Variants in PTPN20 observed in about 807,000 individuals in gnomAD.
The protein encoded by PTPN20 is tyrosine-protein phosphatase non-receptor type 20.
In PTPN20, 9 loss-of-function variants were observed where a neutral mutation model predicts 35.0. The ratio of observed to expected loss-of-function variants is 0.26; its 90% confidence interval spans 0.15 to 0.45. The LOEUF (loss-of-function observed/expected upper bound fraction) is 0.45, where lower values mean the gene tolerates loss of function less well. PTPN20 is among the 20% of genes least tolerant of loss of function. The pLI, the probability that PTPN20 is intolerant of heterozygous loss-of-function variation, is 1.00. For synonymous variants in PTPN20, 32 were observed against 100.2 expected (o/e 0.32, Z 4.06); for missense variants, 111 against 312.5 (o/e 0.36, Z 4.86).
rs1343397493 is a variant in PTPN20 at position 46,954,992 on chromosome 10, T to G, written c.340+8317T>G. 10 of 151,514 alleles carry G rather than the reference T, an allele frequency of 6.6e-5. 2 individuals carry two copies. Among genetic ancestry groups the G allele is most frequent in the African/African-American group, 2.5e-4 (10 of 40,808 alleles). 9.4% of individuals were successfully genotyped at this position (151,514 alleles called of 1,614,324 possible). A position where few individuals can be genotyped will look rare whatever the true frequency, so the allele number is the denominator to read the frequency against. Reference sequence around the variant, plus strand: ...AATATAACAACTATTTACATGGCATTTATGTTGTATTAGGTATTATAAGTA... The same window carrying G: ...AATATAACAACTATTTACATGGCATGTATGTTGTATTAGGTATTATAAGTA... On this transcript the variant is annotated intron_variant, in intron 5 of 10. Coordinates refer to ENST00000374339, the MANE Select transcript of PTPN20 (RefSeq NM_001042357.5).
chr10:46,915,836 T>TA lies in PTPN20; in HGVS notation c.-124+4352dup, dbSNP rs781898329. The stretch of plus-strand genomic sequence containing the variant: ...CGTGGCAACAGAGCAAGACTCCGTC[T>TA]AAAAAAAAAAAAAAAAATGACCAGT... On this transcript the variant is annotated intron_variant, in intron 1 of 10. Coordinates refer to ENST00000374339, the MANE Select transcript of PTPN20 (RefSeq NM_001042357.5). 1.1e-3 allele frequency among the ~76,000 whole-genome samples: 71 copies of TA among 67,318 alleles called. 12 individuals are homozygous for TA. The highest frequency in any genetic ancestry group is 3.2e-3 in the East Asian group (7 of 2,216). 44.2% of individuals were successfully genotyped at this position (67,318 alleles called of 152,430 possible).
intron 1 of PTPN20, among the ~76,000 whole-genome samples, chr10:46,923,075 A>G (rs1446931468): frequency 0.029 from 3,735 of 130,298 alleles, 69 homozygotes; most frequent in African/African-American, 0.072. Context: ...GGGTGAATGT[A>G]TTTTGCATAC....
intron 9 of PTPN20, among the ~76,000 whole-genome samples, chr10:46,996,521 T>C (rs915327306): frequency 2.6e-5 from 4 of 152,228 alleles, no homozygotes; most frequent in Admixed American, 2.0e-4. Context: ...GTTTTTCCTT[T>C]TATGGATCAT....
intron 9 of PTPN20, among the ~76,000 whole-genome samples, chr10:46,988,878 A>T (rs1450075818): frequency 5.3e-5 from 8 of 150,262 alleles, no homozygotes; most frequent in African/African-American, 9.7e-5. Flanking sequence ...TGTAAATAAG[A>T]TCACCTTCTT....
chr10:46,964,565 G>A (rs1194630843), intron 5 of PTPN20, among the ~76,000 whole-genome samples: 1 of 149,116 alleles, frequency 6.7e-6, no homozygotes, highest in African/African-American at 2.4e-5. Flanking sequence ...GAAACAGGAC[G>A]TGAACTCTCC....
At chr10:46,994,189 T>A (rs1444228348) in intron 9 of PTPN20, among the ~76,000 whole-genome samples, 1 of 151,944 alleles carries the variant, frequency 6.6e-6, no homozygotes, top group Non-Finnish European at 1.5e-5. Context: ...GGAGCTCTTT[T>A]ATATGTTAAT....
At chr10:46,999,757 C>T (rs1423695486) in intron 9 of PTPN20, among the ~76,000 whole-genome samples, 155 bp from the exon 10 acceptor site, 3 of 152,152 alleles carry the variant, frequency 2.0e-5, no homozygotes, top group Non-Finnish European at 4.4e-5. Context: ...TCTTCCTTAT[C>T]CATTGGGCTA....
intron 5 of PTPN20, chr10:46,948,096 A>G (rs1203165233): frequency 5.5e-6 from 2 of 363,828 alleles, no homozygotes; most frequent in East Asian, 1.5e-4. Context: ...TCAGTTAGGT[A>G]ATTTCTGTCA....
At chr10:46,939,032 G>T (rs1230510979) in intron 2 of PTPN20, among the ~76,000 whole-genome samples, 2 of 152,116 alleles carry the variant, frequency 1.3e-5, no homozygotes, top group African/African-American at 4.8e-5. Context: ...AATTCTCATA[G>T]ACTTTTTTTT....
rs886254719 is a variant in PTPN20 at position 46,996,294 on chromosome 10, C to T, written c.1135-3618C>T. ...TGTCTTCATTTCATTGCAGTCACTT[C>T]CATCTTCATTATTTGGTTAACCACT... is the stretch of plus-strand genomic sequence containing the variant. On this transcript the variant is annotated intron_variant, in intron 9 of 10. Coordinates refer to ENST00000374339, the MANE Select transcript of PTPN20 (RefSeq NM_001042357.5). Among the ~76,000 whole-genome samples the T allele has an allele frequency of 3.9e-5, 6 of 152,154 alleles. No homozygotes were observed. The South Asian group carries it at 6.2e-4, about 16-fold the overall frequency.
chr10:46,937,943 T>C (rs2042224558), intron 2 of PTPN20, among the ~76,000 whole-genome samples: 1 of 114,838 alleles, frequency 8.7e-6, no homozygotes, highest in African/African-American at 4.4e-5. Flanking sequence ...TTTTTTCTTT[T>C]TCTTTTCTTT....
rs566983898 is a variant in PTPN20, at chr10:46,937,356, A to G, written c.35-3267A>G. Among the ~76,000 whole-genome samples, 17 of 151,774 alleles carry G rather than the reference A, an allele frequency of 1.1e-4. No homozygotes were observed. The South Asian group carries it at 2.1e-3, about 19-fold the overall frequency. On this transcript the variant is annotated intron_variant, in intron 2 of 10. Coordinates refer to ENST00000374339, the MANE Select transcript of PTPN20 (RefSeq NM_001042357.5). ...TGACATACATGAATGTGATTTTTCTATAAGCTCATATATTACATTTGTATT... is the reference window on the plus strand; with the variant it reads ...TGACATACATGAATGTGATTTTTCTGTAAGCTCATATATTACATTTGTATT...
At chr10:46,986,278 A>T (rs1414361590) in intron 8 of PTPN20, among the ~76,000 whole-genome samples, 1 of 139,638 alleles carries the variant, frequency 7.2e-6, no homozygotes, top group Non-Finnish European at 1.5e-5. Context: ...ACCTTCACAG[A>T]GGCACAAAAT....
intron 2 of PTPN20, among the ~76,000 whole-genome samples, chr10:46,938,501 G>A (rs1371848194): frequency 7.2e-5 from 1 of 13,830 alleles, no homozygotes; most frequent in African/African-American, 4.8e-4. Flanking sequence ...GCTACTTTCC[G>A]GTGGTCCTTC....
At chr10:46,927,326 AAAAC>A in intron 1 of PTPN20, among the ~76,000 whole-genome samples, 1 of 123,566 alleles carries the variant, frequency 8.1e-6, no homozygotes, top group Non-Finnish European at 1.7e-5. Flanking sequence ...ATAAAAATAA[AAAAC>A]AAAAACAACT....
intron 10 of PTPN20, 100 bp downstream of exon 10, chr10:47,000,074 C>G (rs2059841052): frequency 6.6e-7 from 1 of 1,506,106 alleles, no homozygotes; most frequent in East Asian, 2.3e-5. Flanking sequence ...GACATAATCT[C>G]ATTGAATTCC....
chr10:46,992,033 CTCT>C (rs2058056715), intron 9 of PTPN20, among the ~76,000 whole-genome samples: 1 of 151,834 alleles, frequency 6.6e-6, no homozygotes, highest in Admixed American at 6.6e-5. Flanking sequence ...AAGTTGTTTA[CTCT>C]TCTTCTCTTT....
chr10:46,988,890 A>T, intron 9 of PTPN20, among the ~76,000 whole-genome samples: 2 of 144,638 alleles, frequency 1.4e-5, no homozygotes, highest in Non-Finnish European at 3.0e-5. Flanking sequence ...CACCTTCTTT[A>T]TTTCCTTTCA....
At chr10:46,920,583 G>A (rs1432545551) in intron 1 of PTPN20, among the ~76,000 whole-genome samples, 1 of 144,062 alleles carries the variant, frequency 6.9e-6, no homozygotes, top group Admixed American at 6.9e-5. Flanking sequence ...GCTCCCCAGA[G>A]TTTCTATGTT....
Sources: allele counts gnomAD v4.1 joint callset (sites outside exome capture counted in the v4.1 genomes callset), GRCh38; gene constraint gnomAD v4.1.1; transcripts MANE v1.5; gene names NCBI Gene and HGNC (gene_info 2026-07-23, HGNC 2026-07-21).